The following LARP1 variants were observed in gnomAD, a reference collection of about 807,000 sequenced individuals.
LARP1 encodes la-related protein 1.
LARP1 carries 36 observed loss-of-function variants against 122.7 expected under a neutral mutation model. The ratio of observed to expected loss-of-function variants is 0.29; its 90% confidence interval spans 0.22 to 0.39. The LOEUF (loss-of-function observed/expected upper bound fraction) is 0.39, where lower values mean the gene tolerates loss of function less well. Among genes scored for constraint, LARP1 ranks in the 10% least tolerant of loss-of-function variants. LARP1 has a pLI of 1.00. For missense variants in LARP1, 1,040 were observed against 1,403.6 expected (o/e 0.74, Z 4.14); for synonymous variants, 539 against 528.7 (o/e 1.02, Z -0.27).
chr5:154,689,040 C>T (rs1170914532), intron 1 of LARP1, among the ~76,000 whole-genome samples: 2 of 152,220 alleles, frequency 1.3e-5, no homozygotes, highest in Admixed American at 6.5e-5. Flanking sequence ...CATTTTGCGC[C>T]GGGCGCAGTG....
rs187673390 is a variant in LARP1 at position 154,781,542 on chromosome 5, G to A, written c.437-8783G>A. On this transcript the variant is annotated intron_variant, in intron 1 of 18. Coordinates refer to ENST00000518297, the MANE Select transcript of LARP1 (RefSeq NM_033551.3). ...TGGGAGGCGGAGCTTGCAGTGAGCC[G>A]AGATGGCGCCATTGCACTCCAGCCT... is the stretch of plus-strand genomic sequence containing the variant. Among the ~76,000 whole-genome samples the A allele has an allele frequency of 1.5e-3, 233 of 152,004 alleles. 1 individual carries two copies. The highest frequency in any genetic ancestry group is 5.5e-3 in the African/African-American group (227 of 41,472).
chr5:154,733,344 T>C (rs1183383522), intron 1 of LARP1, among the ~76,000 whole-genome samples: 2 of 152,160 alleles, frequency 1.3e-5, no homozygotes, highest in Non-Finnish European at 2.9e-5. Context: ...AAATCGGACA[T>C]AGCTCTGACA....
chr5:154,790,613 C>G, intron 2 of LARP1, 32 bp from the exon 3 acceptor site: 1 of 1,611,678 alleles, frequency 6.2e-7, no homozygotes, highest in South Asian at 1.1e-5. Context: ...CAGGGTCACT[C>G]CTGGGGCCCT....
chr5:154,759,563 G>C (rs766723553), intron 1 of LARP1, among the ~76,000 whole-genome samples: 6 of 152,106 alleles, frequency 3.9e-5, no homozygotes, highest in Non-Finnish European at 4.4e-5. Context: ...ATTTTCTTTG[G>C]GGGGAGTTGC....
chr5:154,813,108 C>CAGGT (rs1759425177), intron 18 of LARP1, among the ~76,000 whole-genome samples: 1 of 144,486 alleles, frequency 6.9e-6, no homozygotes, highest in Non-Finnish European at 1.5e-5. Context: ...ATTAGGTTAA[C>CAGGT]TGAGGTTCGT....
chr5:154,789,871 C>A (rs1186149754), intron 1 of LARP1, among the ~76,000 whole-genome samples: 1 of 152,158 alleles, frequency 6.6e-6, no homozygotes, highest in Admixed American at 6.5e-5. Context: ...TTTTACTTTG[C>A]CTTCCCAATG....
chr5:154,794,075 C>A, intron 6 of LARP1, 25 bp from the exon 7 acceptor site: 1 of 1,613,482 alleles, frequency 6.2e-7, no homozygotes, highest in Non-Finnish European at 8.5e-7. Flanking sequence ...TCTCCTCTCC[C>A]TCATGGCACC....
At position 154,803,780 on chromosome 5, in the gene LARP1, G is replaced by GGTCTA; in HGVS notation, c.2439+36_2439+40dup. On this transcript the variant is annotated intron_variant, in intron 13 of 18. Coordinates refer to ENST00000518297, the MANE Select transcript of LARP1 (RefSeq NM_033551.3). The surrounding 1 kb of genome is among the most constrained non-coding windows in gnomAD (Gnocchi z 4.4). ...TCCTGTCGGGCTGCTCAGAGTCTTG[G>GGTCTA]GTCTACTTCATTGCATTCCAGTGCT... The GGTCTA allele has an allele frequency of 4.4e-6, 7 of 1,594,392 alleles. No individual in the cohort carries two copies. The highest frequency in any genetic ancestry group is 6.0e-6 in the Non-Finnish European group (7 of 1,162,442).
intron 18 of LARP1, among the ~76,000 whole-genome samples, chr5:154,812,352 G>A (rs972569045): frequency 3.9e-5 from 6 of 152,248 alleles, no homozygotes; most frequent in Admixed American, 2.6e-4. Context: ...CCTGAGACTG[G>A]GTAATTTATA....
Position 154,803,644 on chromosome 5 carries a change from A to T in LARP1, c.2338A>T (p.Thr780Ser), listed in dbSNP as rs773716145. The change falls in exon 13 of 19, where the codon ACC (threonine) becomes TCC (serine). Residue 780 changes from threonine (T) to serine (S), a missense_variant. Coordinates refer to ENST00000518297, the MANE Select transcript of LARP1 (RefSeq NM_033551.3). This position sits in a 1 kb window ranked among gnomAD's most constrained non-coding sequence, Gnocchi z 4.4. ...TVPESPNYRN[T>S]RTPRTPRTPQ... ...CCCAGAGTCACCAAACTACCGCAAC[A>T]CCAGGACCCCTCGCACTCCCCGGAC... is the stretch of plus-strand genomic sequence containing the variant. 1.9e-6 allele frequency: 3 copies of T among 1,613,940 alleles called. No individual in the cohort carries two copies. The highest frequency in any genetic ancestry group is 4.5e-5 in the East Asian group (2 of 44,880).
At chr5:154,781,176 GGTGTGCGTGTAGTT>G (rs1183287438) in intron 1 of LARP1, among the ~76,000 whole-genome samples, 2 of 152,228 alleles carry the variant, frequency 1.3e-5, no homozygotes, top group Non-Finnish European at 2.9e-5. Flanking sequence ...AATGGAGTCA[GGTGTGCGTGTAGTT>G]GTGTGTGCCT....
intron 1 of LARP1, among the ~76,000 whole-genome samples, chr5:154,716,825 T>G (rs1424804920): frequency 1.3e-5 from 2 of 152,062 alleles, no homozygotes; most frequent in Non-Finnish European, 2.9e-5. Flanking sequence ...TTTGCGGGGC[T>G]AAGGCAGGCA....
At chr5:154,713,157 G>C in intron 1 of LARP1, 1 of 1,589,654 alleles carries the variant, frequency 6.3e-7, no homozygotes, top group South Asian at 1.1e-5. Context: ...TGCGTTTCTT[G>C]AACCTCAGGA....
intron 1 of LARP1, among the ~76,000 whole-genome samples, chr5:154,692,221 C>G (rs1227039810): frequency 1.3e-5 from 2 of 152,188 alleles, no homozygotes; most frequent in African/African-American, 2.4e-5. Flanking sequence ...TCGCGTTCTT[C>G]CCTCACCTTA....
intron 8 of LARP1, among the ~76,000 whole-genome samples, chr5:154,797,221 G>GTTTTTTTTTTTTTTTTTTTTTTTTT (rs1158010359): frequency 6.7e-5 from 2 of 29,780 alleles, no homozygotes; most frequent in Non-Finnish European, 1.4e-4. Flanking sequence ...TGTTGTTGTT[G>GTTTTTTTTTTTTTTTTTTTTTTTTT]TTTTTTTTTT....
chr5:154,771,907 T>TACC (rs919406235), intron 1 of LARP1, among the ~76,000 whole-genome samples: 5 of 152,224 alleles, frequency 3.3e-5, no homozygotes, highest in Admixed American at 2.6e-4. Flanking sequence ...GGCTTTGTGT[T>TACC]ACCAAAGAGG....
At chr5:154,810,044 A>G (rs1214603108) in intron 16 of LARP1, among the ~76,000 whole-genome samples, 1 of 152,066 alleles carries the variant, frequency 6.6e-6, no homozygotes, top group Non-Finnish European at 1.5e-5. Flanking sequence ...ACTCCATTGT[A>G]TAGATTTGCC....
intron 1 of LARP1, among the ~76,000 whole-genome samples, chr5:154,775,776 G>A (rs1755829296): frequency 6.6e-6 from 1 of 152,154 alleles, no homozygotes; most frequent in Non-Finnish European, 1.5e-5. Context: ...TTTGTTTCCT[G>A]CAGTGCTGAG....
At chr5:154,696,217 C>T (rs1283106516) in intron 1 of LARP1, among the ~76,000 whole-genome samples, 1 of 152,004 alleles carries the variant, frequency 6.6e-6, no homozygotes, top group African/African-American at 2.4e-5. Context: ...ATTAGCCAGG[C>T]ATGGTGGCAT....
Sources: gnomAD v4.1 joint callset for allele counts (sites outside exome capture counted in the v4.1 genomes callset) on GRCh38, gnomAD v4.1.1 for gene constraint, Gnocchi (gnomAD v3.1) non-coding constraint, MANE v1.5 for transcripts, NCBI Gene and HGNC (gene_info 2026-07-23, HGNC 2026-07-21) for gene names.